The following PRUNE2 variants were observed in gnomAD, a reference collection of about 807,000 sequenced individuals.
The protein encoded by PRUNE2 is prune homolog 2 with BCH domain.
A neutral mutation model predicts 252.0 loss-of-function variants in PRUNE2; 164 were observed. That is an observed-to-expected ratio of 0.65 (90% CI 0.57 to 0.74). The LOEUF (loss-of-function observed/expected upper bound fraction) is 0.74. PRUNE2 is among the 30% of genes least tolerant of loss of function. PRUNE2 has a pLI of 0.00. For synonymous variants in PRUNE2, 1,292 were observed against 1,350.2 expected (o/e 0.96, Z 0.94); for missense variants, 3,495 against 3,711.0 (o/e 0.94, Z 1.51).
intron 1 of PRUNE2, among the ~76,000 whole-genome samples, chr9:76,871,302 T>C (rs546694497): frequency 5.2e-4 from 79 of 152,256 alleles, no homozygotes; most frequent in Non-Finnish European, 9.8e-4. Flanking sequence ...ACATAGCATT[T>C]ACATTGTATT....
chr9:76,837,441 A>AAATAATT (rs1554798657), intron 4 of PRUNE2, among the ~76,000 whole-genome samples: 1 of 134,826 alleles, frequency 7.4e-6, no homozygotes, highest in Admixed American at 7.7e-5. Context: ...ACTCTGTCTC[A>AAATAATT]AATAATAATA....
At chr9:76,653,644 C>G (rs940553692) in intron 10 of PRUNE2, among the ~76,000 whole-genome samples, 2 of 152,096 alleles carry the variant, frequency 1.3e-5, no homozygotes, top group Admixed American at 1.3e-4. Context: ...ACGTTAAGAA[C>G]TTTGTCATGT....
intron 1 of PRUNE2, among the ~76,000 whole-genome samples, chr9:76,871,051 C>A (rs990497826): frequency 4.6e-5 from 7 of 152,158 alleles, no homozygotes; most frequent in Non-Finnish European, 7.4e-5. Context: ...CCTACGTTAT[C>A]CCTATGTGAC....
At chr9:76,636,326 G>A (rs867329404) in intron 15 of PRUNE2, 145 bp downstream of exon 15, 1 of 602,126 alleles carries the variant, frequency 1.7e-6, no homozygotes. Flanking sequence ...TTGATGAATA[G>A]TCCAAAGCAC....
At chr9:76,875,253 T>C (rs550536730) in intron 1 of PRUNE2, among the ~76,000 whole-genome samples, 1 of 152,322 alleles carries the variant, frequency 6.6e-6, no homozygotes, top group Admixed American at 6.5e-5. Flanking sequence ...TCCCCACCCA[T>C]ACCACCTTCA....
intron 1 of PRUNE2, among the ~76,000 whole-genome samples, chr9:76,889,629 CT>C (rs2062340698): frequency 6.6e-6 from 1 of 152,126 alleles, no homozygotes; most frequent in Non-Finnish European, 1.5e-5. Flanking sequence ...CAAAAAGATT[CT>C]TTTTTCCTCC....
intron 6 of PRUNE2, among the ~76,000 whole-genome samples, chr9:76,740,819 T>C (rs2049549699): frequency 6.6e-6 from 1 of 152,220 alleles, no homozygotes; most frequent in African/African-American, 2.4e-5. Flanking sequence ...ATTGAAGTTA[T>C]ATGTTTCTAA....
intron 1 of PRUNE2, among the ~76,000 whole-genome samples, chr9:76,880,821 T>A (rs1236289493): frequency 1.3e-5 from 2 of 152,230 alleles, no homozygotes; most frequent in Non-Finnish European, 2.9e-5. Flanking sequence ...TAAAATGTTA[T>A]TTTGTTAACA....
intron 1 of PRUNE2, among the ~76,000 whole-genome samples, chr9:76,870,051 T>G (rs577674639): frequency 6.6e-6 from 1 of 152,236 alleles, no homozygotes; most frequent in Non-Finnish European, 1.5e-5. Flanking sequence ...AATGCTGTTA[T>G]AGTAGAAGAA....
At chr9:76,754,964 C>CAAAAA (rs11292120) in intron 6 of PRUNE2, among the ~76,000 whole-genome samples, 12 of 67,990 alleles carry the variant, frequency 1.8e-4, no homozygotes, top group Middle Eastern at 0.012. Flanking sequence ...GACTCGGTCT[C>CAAAAA]AAAAAAAAAA....
intron 6 of PRUNE2, among the ~76,000 whole-genome samples, chr9:76,716,598 G>C (rs1292755734): frequency 6.6e-6 from 1 of 152,120 alleles, no homozygotes; most frequent in Non-Finnish European, 1.5e-5. Context: ...TCATTTAGCA[G>C]GTTGGGCACT....
intron 9 of PRUNE2, among the ~76,000 whole-genome samples, chr9:76,681,544 T>C (rs371695372): frequency 6.6e-6 from 1 of 151,704 alleles, no homozygotes; most frequent in East Asian, 1.9e-4. Context: ...AATCTGAAGG[T>C]GGACAGCCTG....
intron 9 of PRUNE2, among the ~76,000 whole-genome samples, chr9:76,676,291 T>A (rs2042571884): frequency 6.9e-6 from 1 of 144,458 alleles, no homozygotes; most frequent in South Asian, 2.2e-4. Flanking sequence ...TTAACAAAAA[T>A]GTAAGTGCTA....
intron 5 of PRUNE2, 132 bp downstream of exon 5, chr9:76,826,448 G>C (rs553939339): frequency 4.6e-6 from 3 of 652,410 alleles, no homozygotes; most frequent in Non-Finnish European, 7.5e-6. Context: ...ACTCCAGCCT[G>C]GGGGATAGAG....
intron 9 of PRUNE2, among the ~76,000 whole-genome samples, chr9:76,672,188 A>G (rs1170752696): frequency 6.7e-6 from 1 of 149,334 alleles, no homozygotes; most frequent in Non-Finnish European, 1.5e-5. Flanking sequence ...CATAGGCTCA[A>G]AATAAAAGGA....
chr9:76,676,956 A>G (rs1017325501), intron 9 of PRUNE2, among the ~76,000 whole-genome samples: 5 of 152,244 alleles, frequency 3.3e-5, no homozygotes, highest in African/African-American at 7.2e-5. Context: ...CCACATGTCT[A>G]TTATATTTGT....
chr9:76,694,017 G>C (rs1204368598), intron 9 of PRUNE2, among the ~76,000 whole-genome samples: 1 of 152,150 alleles, frequency 6.6e-6, no homozygotes, highest in African/African-American at 2.4e-5. Context: ...GGAGCTGGTT[G>C]TATCTTGGGA....
Position 76,703,894 on chromosome 9 carries a change from A to T in PRUNE2, c.7719T>A (p.Ala2573=). The part of the protein sequence containing the change: ...PETCEERESI[A]ELELYVGSKE... The stretch of plus-strand genomic sequence containing the variant: ...TGGAACCTACATACAATTCTAATTC[A>T]GCTATGCTTTCTCTTTCTTCACAGG... Residue 2573 remains alanine, a synonymous_variant, in exon 9 of 19, where the codon GCT becomes GCA. Transcript: ENST00000376718. The T allele has an allele frequency of 6.2e-7, 1 of 1,613,898 alleles. No individual in the cohort carries two copies. The highest frequency in any genetic ancestry group is 8.5e-7 in the Non-Finnish European group (1 of 1,179,866).
Position 76,707,278 on chromosome 9 carries a change from C to A in PRUNE2, c.4996G>T (p.Glu1666Ter). ...TGCACAGTTGCAGAAATGTCATGTT[C>A]ATTTTTCTCCTGGTAGCTAGCAATT... is the stretch of plus-strand genomic sequence containing the variant. ...NLIASYQEKNEHDISATVQPE... is the reference protein window; with the variant it reads ...NLIASYQEKN The change falls in exon 8 of 19, where the codon GAA becomes TAA. Residue 1666 changes from glutamate (E) to a stop codon, truncating the protein, a stop_gained. Coordinates refer to ENST00000376718, the MANE Select transcript of PRUNE2 (RefSeq NM_015225.3). LOFTEE classifies it high-confidence loss of function. 6.2e-7 allele frequency: 1 copy of A among 1,613,904 alleles called. No individual in the cohort carries two copies. The highest frequency in any genetic ancestry group is 8.5e-7 in the Non-Finnish European group (1 of 1,179,870).
Sources: allele counts gnomAD v4.1 joint callset (sites outside exome capture counted in the v4.1 genomes callset), GRCh38; gene constraint gnomAD v4.1.1; transcripts MANE v1.5; gene names NCBI Gene and HGNC (gene_info 2026-07-23, HGNC 2026-07-21).